The following GET3 variants were observed in gnomAD, a reference collection of about 807,000 sequenced individuals.
GET3 encodes the protein ATPase GET3.
GET3 carries 15 observed loss-of-function variants against 32.4 expected under a neutral mutation model. The ratio of observed to expected loss-of-function variants is 0.46; its 90% CI spans 0.31 to 0.71. The LOEUF (loss-of-function observed/expected upper bound fraction) is 0.71. Among genes scored for constraint, GET3 ranks in the 30% least tolerant of loss-of-function variants. The pLI is 0.05. For missense variants in GET3, 333 were observed against 459.0 expected, an observed-to-expected ratio of 0.73 and a Z score of 2.51; for synonymous variants, 198 against 185.6, an observed-to-expected ratio of 1.07 and a Z score of -0.54.
At chr19:12,740,684 A>G (rs1967652503) in intron 2 of GET3, among the ~76,000 whole-genome samples, 1 of 152,158 alleles carries the variant, frequency 6.6e-6, no homozygotes, top group East Asian at 1.9e-4. Context: ...AAAAAATAAT[A>G]AATAAAAATA....
rs8177496 is a variant in GET3, at chr19:12,747,815, T to C, written c.916-158T>C. On this transcript the variant is annotated intron_variant, in intron 6 of 6. Transcript: ENST00000357332. This position sits in a 1 kb window ranked among gnomAD's most constrained non-coding sequence, Gnocchi z 4.0. ...GGTCTAGCCCAGTGATCTCTGACCA[T>C]AGTGATGCAGCTCCCACTTATGACA... is the stretch of plus-strand genomic sequence containing the variant. Among the ~76,000 whole-genome samples the C allele has an allele frequency of 7.9e-4, 121 of 152,244 alleles. No individual in the cohort carries two copies. Among genetic ancestry groups the C allele is most frequent in the African/African-American group, 2.8e-3 (117 of 41,530 alleles).
At position 12,745,180 on chromosome 19, in the gene GET3, A is replaced by G. The variant is rs1967746108; in HGVS notation, c.310-197A>G. On this transcript the variant is annotated intron_variant, in intron 2 of 6. Coordinates refer to ENST00000357332, the MANE Select transcript of GET3 (RefSeq NM_004317.4). This position sits in a 1 kb window ranked among gnomAD's most constrained non-coding sequence, Gnocchi z 5.0. ...ATTTTCCCCTTGTTTTTGACCCTTT[A>G]TGCAACCATACAAAACCCTAAGTAC... is the stretch of plus-strand genomic sequence containing the variant. 6.6e-6 allele frequency among the ~76,000 whole-genome samples: 1 copy of G among 151,876 alleles called. No homozygotes were observed. The highest frequency in any genetic ancestry group is 1.5e-5 in the Non-Finnish European group (1 of 67,930).
rs753957382 is a variant in GET3, at chr19:12,747,494, C to T, written c.817C>T (p.His273Tyr). Residue 273 changes from histidine (H) to tyrosine (Y), a missense_variant, in exon 6 of 7, where the codon CAC becomes TAC. By Grantham distance (83) the His-to-Tyr change is moderately conservative. Coordinates refer to ENST00000357332, the MANE Select transcript of GET3 (RefSeq NM_004317.4). The surrounding 1 kb of genome is among the most constrained non-coding windows in gnomAD (Gnocchi z 4.0). Reference protein sequence around the residue: ...QELAKCKIDTHNIIVNQLVFP... With the variant: ...QELAKCKIDTYNIIVNQLVFP... ...GCTGGCCAAGTGCAAGATTGACACACACAATATAATTGTCAACCAGCTCGT... is the reference window on the plus strand; with the variant it reads ...GCTGGCCAAGTGCAAGATTGACACATACAATATAATTGTCAACCAGCTCGT... 6.2e-7 allele frequency: 1 copy of T among 1,614,126 alleles called. No individual in the cohort carries two copies. The highest frequency in any genetic ancestry group is 8.5e-7 in the Non-Finnish European group (1 of 1,180,022).
Position 12,745,958 on chromosome 19 carries a change from G to A in GET3, c.609+199G>A, listed in dbSNP as rs964554166. Reference sequence around the variant, plus strand: ...GGACTCAGTGTCCCTGCCCCTGCCCGCTAAATACCCTAGACAGAGCCAGAA... The same window carrying A: ...GGACTCAGTGTCCCTGCCCCTGCCCACTAAATACCCTAGACAGAGCCAGAA... On this transcript the variant is annotated intron_variant, in intron 4 of 6. Transcript: ENST00000357332. The surrounding 1 kb of genome is among the most constrained non-coding windows in gnomAD (Gnocchi z 5.0). 5.3e-5 allele frequency among the ~76,000 whole-genome samples: 8 copies of A among 152,204 alleles called. No homozygotes were observed. The highest frequency in any genetic ancestry group is 2.1e-4 in the South Asian group (1 of 4,816).
At position 12,745,753 on chromosome 19, in the gene GET3, C is replaced by T. The variant is rs771111346; in HGVS notation, c.603C>T (p.Ile201=). The change falls in exon 4 of 7, where the codon ATC becomes ATT. Residue 201 remains isoleucine, a synonymous_variant. Transcript: ENST00000357332. This position sits in a 1 kb window ranked among gnomAD's most constrained non-coding sequence, Gnocchi z 5.0. The part of the protein sequence containing the change: ...MQIKNQISPF[I]SQMCNMLGLG... ...TCAAGAACCAGATCAGCCCTTTCAT[C>T]TCACAGGCAGGCGGCGGGGGCCCCC... The T allele has an allele frequency of 6.2e-7, 1 of 1,607,290 alleles. No individual in the cohort carries two copies. The highest frequency in any genetic ancestry group is 8.5e-7 in the Non-Finnish European group (1 of 1,177,272).
Position 12,738,446 on chromosome 19 carries a change from C to G in GET3, c.162-65C>G, listed in dbSNP as rs918860531. The G allele has an allele frequency of 9.4e-6, 15 of 1,594,878 alleles. No homozygotes were observed. The Admixed American group carries it at 2.5e-4, about 27-fold the overall frequency. ...CTGCTCCAGGGAACCTACCACTCCC[C>G]TTGCAGACCCAGGGAACAGAGCCCA... On this transcript the variant is annotated intron_variant, in intron 1 of 6. Coordinates refer to ENST00000357332, the MANE Select transcript of GET3 (RefSeq NM_004317.4).
Position 12,738,515 on chromosome 19 carries a change from A to G in GET3, c.166A>G (p.Ser56Gly), listed in dbSNP as rs777813496. The change falls in exon 2 of 7, where the codon AGC becomes GGC. Residue 56 changes from serine (S) to glycine (G), a missense_variant. By Grantham distance (56) the Ser-to-Gly change is moderately conservative. Around this residue, in one of 3 missense-constraint regions of GET3, gnomAD observed 230 missense variants for 389.2 expected, o/e 0.59. Transcript: ENST00000357332. ...TTTGACTTTTCCATTACTCAGCTGC[A>G]GCCTGGCAGTCCAGCTCTCCAAGGG... ...GGVGKTTCSC[S>G]LAVQLSKGRE... 1 of 1,614,044 alleles carries G rather than the reference A, an allele frequency of 6.2e-7. No homozygotes were observed. Among genetic ancestry groups the G allele is most frequent in the Non-Finnish European group, 8.5e-7 (1 of 1,180,002 alleles).
chr19:12,738,799 C>G (rs958906518), intron 2 of GET3, 141 bp downstream of exon 2: 3 of 1,162,830 alleles, frequency 2.6e-6, no homozygotes, highest in East Asian at 5.2e-5. Context: ...AACATACTCA[C>G]AAGGGAACCA....
chr19:12,741,974 G>A (rs539434197), intron 2 of GET3, among the ~76,000 whole-genome samples: 5 of 152,136 alleles, frequency 3.3e-5, no homozygotes, highest in African/African-American at 1.2e-4. Flanking sequence ...GCCCTCAAGT[G>A]CAGTGATACT....
At chr19:12,737,287 CA>C, upstream of GET3, 1 of 590,080 alleles carries the variant, frequency 1.7e-6, no homozygotes, top group South Asian at 2.7e-5. Context: ...CCGATGTGTT[CA>C]TTAGGTAGGG....
At position 12,745,844 on chromosome 19, in the gene GET3, T is replaced by G; in HGVS notation, c.609+85T>G. ...GGCCCCCAGACCCTCAAATGCGCACTAACAATTCCCTTTCCTTCCCACCCC... is the reference window on the plus strand; with the variant it reads ...GGCCCCCAGACCCTCAAATGCGCACGAACAATTCCCTTTCCTTCCCACCCC... On this transcript the variant is annotated intron_variant, in intron 4 of 6. Coordinates refer to ENST00000357332, the MANE Select transcript of GET3 (RefSeq NM_004317.4). This position sits in a 1 kb window ranked among gnomAD's most constrained non-coding sequence, Gnocchi z 5.0. 1.7e-5 allele frequency: 25 copies of G among 1,449,766 alleles called. No homozygotes were observed. Among genetic ancestry groups the G allele is most frequent in the Non-Finnish European group, 2.2e-5 (24 of 1,081,120 alleles). The allele number at this position is 1,449,766 out of a possible 1,614,324, so 89.8% of individuals were successfully genotyped here. A position where few individuals can be genotyped will look rare whatever the true frequency, so the allele number is the denominator to read the frequency against.
At chr19:12,744,573 G>A (rs1967735569) in intron 2 of GET3, among the ~76,000 whole-genome samples, 3 of 152,166 alleles carry the variant, frequency 2.0e-5, no homozygotes, top group South Asian at 2.1e-4. Context: ...GCCCGCCTCC[G>A]CTTCCCAAAG....
chr19:12,740,313 G>A (rs1234088191), intron 2 of GET3, among the ~76,000 whole-genome samples: 1 of 151,966 alleles, frequency 6.6e-6, no homozygotes, highest in Admixed American at 6.6e-5. Flanking sequence ...CCCCGGAGGC[G>A]GAGCTTGCAG....
In GET3 at chr19:12,738,599, G is replaced by T; in HGVS notation, c.250G>T (p.Asp84Tyr). The T allele has an allele frequency of 6.2e-7, 1 of 1,614,150 alleles. No homozygotes were observed. The highest frequency in any genetic ancestry group is 8.5e-7 in the Non-Finnish European group (1 of 1,180,038). ...DPAHNISDAFDQKFSKVPTKV... is the reference protein window; with the variant it reads ...DPAHNISDAFYQKFSKVPTKV... ...AGCACACAACATCTCAGATGCTTTT[G>T]ACCAGAAGTTCTCAAAGGTGCCTAC... Residue 84 changes from aspartate to tyrosine, a missense_variant, in exon 2 of 7, where the codon GAC becomes TAC. Asp to Tyr is a radical substitution (Grantham distance 160, BLOSUM62 -3). Around this residue, in one of 3 missense-constraint regions of GET3, gnomAD observed 230 missense variants for 389.2 expected, o/e 0.59. Coordinates refer to ENST00000357332, the MANE Select transcript of GET3 (RefSeq NM_004317.4).
At chr19:12,744,464 C>T (rs1419549940) in intron 2 of GET3, among the ~76,000 whole-genome samples, 1 of 151,718 alleles carries the variant, frequency 6.6e-6, no homozygotes, top group Non-Finnish European at 1.5e-5. Flanking sequence ...GGATTATAGG[C>T]ACCCGCCACT....
rs1399484076 is a variant in GET3, at chr19:12,745,933, G to A, written c.609+174G>A. Among the ~76,000 whole-genome samples the A allele has an allele frequency of 6.6e-6, 1 of 152,130 alleles. No individual in the cohort carries two copies. The highest frequency in any genetic ancestry group is 2.4e-5 in the African/African-American group (1 of 41,428). ...AGCTGTCTTTCCTCCCCCACAGGCA[G>A]GACTCAGTGTCCCTGCCCCTGCCCG... On this transcript the variant is annotated intron_variant, in intron 4 of 6. Coordinates refer to ENST00000357332, the MANE Select transcript of GET3 (RefSeq NM_004317.4). The surrounding 1 kb of genome is among the most constrained non-coding windows in gnomAD (Gnocchi z 5.0).
chr19:12,737,516 G>A lies in GET3; in HGVS notation c.11G>A (p.Gly4Glu), dbSNP rs1967591766. Residue 4 changes from glycine to glutamate, a missense_variant, in exon 1 of 7, where the codon GGG (glycine) becomes GAG (glutamate). Physicochemically the swap from Gly to Glu is moderately conservative, Grantham distance 98 (BLOSUM62 -2). Coordinates refer to ENST00000357332, the MANE Select transcript of GET3 (RefSeq NM_004317.4). ...TGAGCCAGTTCCAAAATGGCGGCAG[G>A]GGTGGCCGGGTGGGGGGTTGAGGCA... MAA[G>E]VAGWGVEAEE... 10 of 1,558,378 alleles carry A rather than the reference G, an allele frequency of 6.4e-6. No homozygotes were observed. The highest frequency in any genetic ancestry group is 3.6e-5 in the South Asian group (3 of 83,910).
chr19:12,739,531 A>C (rs934502422), intron 2 of GET3, among the ~76,000 whole-genome samples: 1 of 152,226 alleles, frequency 6.6e-6, no homozygotes, highest in East Asian at 1.9e-4. Context: ...AATTGATTAC[A>C]TGTCTTTCTT....
In GET3 at chr19:12,745,278, C is replaced by T; in HGVS notation, c.310-99C>T. 1.4e-6 allele frequency: 2 copies of T among 1,456,460 alleles called. No homozygotes were observed. Among genetic ancestry groups the T allele is most frequent in the East Asian group, 4.6e-5 (2 of 43,736 alleles). The allele number at this position is 1,456,460 out of a possible 1,614,324, so 90.2% of individuals were successfully genotyped here. On this transcript the variant is annotated intron_variant, in intron 2 of 6. Transcript: ENST00000357332. This position sits in a 1 kb window ranked among gnomAD's most constrained non-coding sequence, Gnocchi z 5.0. ...CAGCCCACCACAGGCTCCCTCTGGCCCTGTGCCCGGGTAGGAAGGCTCCCC... is the reference window on the plus strand; with the variant it reads ...CAGCCCACCACAGGCTCCCTCTGGCTCTGTGCCCGGGTAGGAAGGCTCCCC...
Sources: allele counts gnomAD v4.1 joint callset (sites outside exome capture counted in the v4.1 genomes callset), GRCh38; gene constraint gnomAD v4.1.1; regional missense constraint gnomAD v4.1.1; non-coding constraint Gnocchi (gnomAD v3.1); transcripts MANE v1.5; gene names NCBI Gene and HGNC (gene_info 2026-07-23, HGNC 2026-07-21).